SDCBP: variants seen among roughly 807,000 people sequenced by gnomAD.
The protein encoded by SDCBP is syndecan binding protein.
A neutral mutation model predicts 30.5 loss-of-function variants in SDCBP; 22 were observed. That is an observed-to-expected ratio of 0.72 (90% CI 0.52 to 1.03). The LOEUF (loss-of-function observed/expected upper bound fraction) is 1.03, where lower values mean the gene tolerates loss of function less well. Ranked by LOEUF, SDCBP falls within the 50% of genes least tolerant of loss-of-function variation. The pLI, the probability that SDCBP is intolerant of heterozygous loss-of-function variation, is 0.00. For missense variants in SDCBP, 304 were observed against 369.9 expected (o/e 0.82, Z 1.46); for synonymous variants, 103 against 118.7 (o/e 0.87, Z 0.86).
chr8:58,563,814 T>A (rs780433098), intron 1 of SDCBP, among the ~76,000 whole-genome samples: 1 of 152,188 alleles, frequency 6.6e-6, no homozygotes, highest in Non-Finnish European at 1.5e-5. Flanking sequence ...AGGGGACAGA[T>A]GTCACTGGCA....
At chr8:58,562,141 A>G (rs1041730782) in intron 1 of SDCBP, among the ~76,000 whole-genome samples, 8 of 151,952 alleles carry the variant, frequency 5.3e-5, no homozygotes, top group African/African-American at 1.9e-4. Context: ...AAAAGTTTCA[A>G]GATAGAAAAT....
At chr8:58,556,882 TTATAATACG>T (rs937594509) in intron 1 of SDCBP, among the ~76,000 whole-genome samples, 2 of 144,080 alleles carry the variant, frequency 1.4e-5, no homozygotes, top group Admixed American at 7.1e-5. Flanking sequence ...TACATATATA[TTATAATACG>T]TATAATACGT....
intron 6 of SDCBP, among the ~76,000 whole-genome samples, chr8:58,578,968 C>A (rs949419021): frequency 2.6e-5 from 4 of 152,170 alleles, no homozygotes; most frequent in African/African-American, 7.2e-5. Flanking sequence ...AATGTAAACA[C>A]AAGTTGATCC....
At chr8:58,566,172 C>T (rs1804700568) in intron 2 of SDCBP, among the ~76,000 whole-genome samples, 1 of 152,008 alleles carries the variant, frequency 6.6e-6, no homozygotes, top group Non-Finnish European at 1.5e-5. Context: ...TTTTTATTTC[C>T]ACATAGTTCA....
At chr8:58,561,558 T>C (rs1804444092) in intron 1 of SDCBP, 2 of 419,798 alleles carry the variant, frequency 4.8e-6, no homozygotes, top group African/African-American at 2.0e-5. Flanking sequence ...AGTGGGATGA[T>C]ATAGTCAAAC....
chr8:58,561,616 T>C, intron 1 of SDCBP: 2 of 495,298 alleles, frequency 4.0e-6, no homozygotes, highest in Non-Finnish European at 7.2e-6. Context: ...GCAAAACTTT[T>C]CTTTAAAAGT....
At chr8:58,564,254 C>T (rs1804591260) in intron 1 of SDCBP, among the ~76,000 whole-genome samples, 2 of 152,106 alleles carry the variant, frequency 1.3e-5, no homozygotes, top group Admixed American at 1.3e-4. Context: ...AACCACATAC[C>T]AGTTTAGCAT....
intron 2 of SDCBP, among the ~76,000 whole-genome samples, chr8:58,567,940 C>T (rs2129607811): frequency 6.6e-6 from 1 of 152,222 alleles, no homozygotes; most frequent in Middle Eastern, 3.4e-3. Context: ...AATGGAGCTT[C>T]CAGGACTAGA....
Position 58,555,062 on chromosome 8 carries a change from A to G in SDCBP, c.-16+1759A>G, listed in dbSNP as rs1804022281. On this transcript the variant is annotated intron_variant, in intron 1 of 8. Coordinates refer to ENST00000260130, the MANE Select transcript of SDCBP (RefSeq NM_005625.4). ...CCTTGCTTTTAACACAAACGTTAAC[A>G]TTTTATATACTGCTTCACATTTTGC... 1.3e-5 allele frequency among the ~76,000 whole-genome samples: 2 copies of G among 152,188 alleles called. 1 individual carries two copies. Among genetic ancestry groups the G allele is most frequent in the South Asian group, 4.1e-4 (2 of 4,836 alleles).
intron 2 of SDCBP, among the ~76,000 whole-genome samples, chr8:58,570,266 G>C (rs1239119584): frequency 1.3e-5 from 2 of 152,192 alleles, no homozygotes; most frequent in South Asian, 4.1e-4. Context: ...GAGTGTGTCA[G>C]AGTGATTTTG....
At chr8:58,579,368 T>C (rs1805543121) in intron 6 of SDCBP, among the ~76,000 whole-genome samples, 1 of 152,178 alleles carries the variant, frequency 6.6e-6, no homozygotes, top group African/African-American at 2.4e-5. Flanking sequence ...GATAAAACCA[T>C]ATAAAGCAGT....
chr8:58,561,432 A>C lies in SDCBP; in HGVS notation c.-15-3587A>C, dbSNP rs536977441. 7 of 195,382 alleles carry C rather than the reference A, an allele frequency of 3.6e-5. No homozygotes were observed. In the South Asian group the frequency reaches 9.4e-4, roughly 26 times the overall value. The allele number at this position is 195,382 out of a possible 1,614,324, so 12.1% of individuals were successfully genotyped here. On this transcript the variant is annotated intron_variant, in intron 1 of 8. Coordinates refer to ENST00000260130, the MANE Select transcript of SDCBP (RefSeq NM_005625.4). ...GACATCTACATGGAAACACACTGTAATCAAATTGTCAAAGAATTTTGAAAG... is the reference window on the plus strand; with the variant it reads ...GACATCTACATGGAAACACACTGTACTCAAATTGTCAAAGAATTTTGAAAG...
chr8:58,579,935 C>T (rs1805588641), intron 7 of SDCBP, 141 bp downstream of exon 7: 1 of 673,532 alleles, frequency 1.5e-6, no homozygotes, highest in Admixed American at 3.0e-5. Context: ...TCTGGCCAGT[C>T]ACCGGAATTA....
At chr8:58,567,695 A>G (rs1365331239) in intron 2 of SDCBP, among the ~76,000 whole-genome samples, 3 of 152,204 alleles carry the variant, frequency 2.0e-5, no homozygotes, top group African/African-American at 4.8e-5. Context: ...TACTTCCACA[A>G]ATGTAGATGG....
chr8:58,575,924 A>G lies in SDCBP; in HGVS notation c.265A>G (p.Ile89Val). 6.2e-7 allele frequency: 1 copy of G among 1,613,426 alleles called. No homozygotes were observed. Among genetic ancestry groups the G allele is most frequent in the Non-Finnish European group, 8.5e-7 (1 of 1,179,508 alleles). ...GCAGTTGGTAGCAAGACCTTCCAGT[A>G]TAAACTATATGGTGGCTCCTGTAAC... ...QGQLVARPSS[I>V]NYMVAPVTGN... Residue 89 changes from isoleucine to valine, a missense_variant, in exon 5 of 9, where the codon ATA becomes GTA. Coordinates refer to ENST00000260130, the MANE Select transcript of SDCBP (RefSeq NM_005625.4).
At chr8:58,558,722 C>T (rs890420943) in intron 1 of SDCBP, among the ~76,000 whole-genome samples, 5 of 152,150 alleles carry the variant, frequency 3.3e-5, no homozygotes, top group African/African-American at 1.2e-4. Context: ...CAAATAATAT[C>T]CAACTGAAGC....
At chr8:58,563,391 A>G (rs929057717) in intron 1 of SDCBP, among the ~76,000 whole-genome samples, 1 of 152,120 alleles carries the variant, frequency 6.6e-6, no homozygotes, top group Non-Finnish European at 1.5e-5. Flanking sequence ...CAGAGGCGGG[A>G]AAGTGTATGT....
intron 2 of SDCBP, among the ~76,000 whole-genome samples, chr8:58,570,176 T>C (rs1804936441): frequency 6.6e-6 from 1 of 152,202 alleles, no homozygotes; most frequent in South Asian, 2.1e-4. Context: ...GTGAGATACT[T>C]CATATGATGT....
intron 6 of SDCBP, among the ~76,000 whole-genome samples, chr8:58,579,348 A>C (rs1013163502): frequency 6.6e-6 from 1 of 152,204 alleles, no homozygotes; most frequent in Non-Finnish European, 1.5e-5. Context: ...TTATAAAAGA[A>C]AAACATATTG....
Sources: gnomAD v4.1 joint callset for allele counts (sites outside exome capture counted in the v4.1 genomes callset) on GRCh38, gnomAD v4.1.1 for gene constraint, MANE v1.5 for transcripts, NCBI Gene and HGNC (gene_info 2026-07-23, HGNC 2026-07-21) for gene names.